MYO15A: variants seen among roughly 807,000 people sequenced by gnomAD.
MYO15A encodes myosin XVA.
MYO15A carries 308 observed loss-of-function variants against 394.6 expected under a neutral mutation model. The observed-to-expected ratio is 0.78, with a 90% CI of 0.71 to 0.86. The LOEUF (loss-of-function observed/expected upper bound fraction) is 0.86. Among genes scored for constraint, MYO15A ranks in the 40% least tolerant of loss-of-function variants. MYO15A has a pLI of 0.00. For missense variants in MYO15A, 4,606 were observed against 4,799.1 expected (o/e 0.96, Z 1.19); for synonymous variants, 1,957 against 2,003.8 (o/e 0.98, Z 0.62).
chr17:18,138,070 T>A (rs1168895222), intron 16 of MYO15A, 45 bp from the exon 17 acceptor site: 2 of 1,599,162 alleles, frequency 1.3e-6, no homozygotes, highest in African/African-American at 2.7e-5. Context: ...GGGTGGGCCC[T>A]GGACAGGGAT....
intron 42 of MYO15A, among the ~76,000 whole-genome samples, chr17:18,152,618 AT>A (rs1205881411): frequency 3.4e-5 from 2 of 59,446 alleles, no homozygotes; most frequent in African/African-American, 2.0e-4. Context: ...CCTGCCCCTG[AT>A]AAAAAACCCT....
At chr17:18,139,441 T>A in intron 18 of MYO15A, 93 bp from the exon 19 acceptor site, 1 of 1,383,664 alleles carries the variant, frequency 7.2e-7, no homozygotes, top group Non-Finnish European at 1.0e-6. Flanking sequence ...GCTGGAGGGG[T>A]GGGGACCATA....
In MYO15A at chr17:18,151,954, G is replaced by A. The variant is rs750244334; in HGVS notation, c.7893+3G>A. The A allele has an allele frequency of 2.1e-5, 32 of 1,556,620 alleles. No individual in the cohort carries two copies. The highest frequency in any genetic ancestry group is 2.7e-5 in the Non-Finnish European group (31 of 1,149,316). ...TGGCAGCTGCACCTGGCACCCAGGT[G>A]AGGGGGGAAGGTGGGGCTGAGCCCA... is the stretch of plus-strand genomic sequence containing the variant. On this transcript the variant is annotated splice_donor_region_variant and intron_variant, in intron 41 of 65. Coordinates refer to ENST00000647165, the MANE Select transcript of MYO15A (RefSeq NM_016239.4).
Position 18,153,719 on chromosome 17 carries a change from A to C in MYO15A, c.7967-56A>C. The C allele has an allele frequency of 6.5e-7, 1 of 1,532,472 alleles. No homozygotes were observed. The highest frequency in any genetic ancestry group is 8.8e-7 in the Non-Finnish European group (1 of 1,139,698). The allele number at this position is 1,532,472 out of a possible 1,614,324, so 94.9% of individuals were successfully genotyped here. A position where few individuals can be genotyped will look rare whatever the true frequency, so the allele number is the denominator to read the frequency against. Reference sequence around the variant, plus strand: ...GTCTCAAAAATATATATATATATTAATTAAATAAAAAAACGAGGTGCCTTC... The same window carrying C: ...GTCTCAAAAATATATATATATATTACTTAAATAAAAAAACGAGGTGCCTTC... On this transcript the variant is annotated intron_variant, in intron 42 of 65. Transcript: ENST00000647165. The surrounding 1 kb of genome is among the most constrained non-coding windows in gnomAD (Gnocchi z 4.1).
intron 11 of MYO15A, 91 bp from the exon 12 acceptor site, chr17:18,133,134 C>A: frequency 7.3e-7 from 1 of 1,371,702 alleles, no homozygotes. Context: ...CCAACTCAGG[C>A]CACCACACTA....
rs1270652401 is a variant in MYO15A, at chr17:18,138,348, G to A, written c.5007+102G>A. 2.1e-6 allele frequency: 3 copies of A among 1,450,910 alleles called. No homozygotes were observed. The East Asian group carries it at 7.3e-5, about 35-fold the overall frequency. The allele number at this position is 1,450,910 out of a possible 1,614,324, so 89.9% of individuals were successfully genotyped here. A position where few individuals can be genotyped will look rare whatever the true frequency, so the allele number is the denominator to read the frequency against. ...TTCATTCCTCTCTGCTCTGGCCTGAGTCAGGCAGTGGGGGGTTGGGACACC... is the reference window on the plus strand; with the variant it reads ...TTCATTCCTCTCTGCTCTGGCCTGAATCAGGCAGTGGGGGGTTGGGACACC... On this transcript the variant is annotated intron_variant, in intron 17 of 65. Transcript: ENST00000647165.
Position 18,146,081 on chromosome 17 carries a change from C to T in MYO15A, c.6483C>T (p.Ser2161=), listed in dbSNP as rs2046475148. 6.2e-7 allele frequency: 1 copy of T among 1,613,930 alleles called. No individual in the cohort carries two copies. Among genetic ancestry groups the T allele is most frequent in the African/African-American group, 1.3e-5 (1 of 75,034 alleles). ...CCTGCCTCAGTGGCTTTGCACCTTCCCCGTGCTTCAACAAGTACCTTCTCA... is the reference window on the plus strand; with the variant it reads ...CCTGCCTCAGTGGCTTTGCACCTTCTCCGTGCTTCAACAAGTACCTTCTCA... ...LAACLSGFAP[S]PCFNKYLLKF... is the part of the protein sequence containing the mutation. The change falls in exon 30 of 66, where the codon TCC becomes TCT. Residue 2161 remains serine, a synonymous_variant. Coordinates refer to ENST00000647165, the MANE Select transcript of MYO15A (RefSeq NM_016239.4).
Position 18,149,298 on chromosome 17 carries a change from T to C in MYO15A, c.7039T>C (p.Ser2347Pro). Residue 2347 changes from serine (S) to proline (P), a missense_variant, in exon 34 of 66, where the codon TCT (serine) becomes CCT (proline). Physicochemically the swap from Ser to Pro is moderately conservative, Grantham distance 74 (BLOSUM62 -1). Around this residue, in one of 2 missense-constraint regions of MYO15A, gnomAD observed 2,776 missense variants for 3,109.3 expected, o/e 0.89. Transcript: ENST00000647165. ...PQEHMPKVLD[S>P]DGYSSHNQDG... ...GGAGCACATGCCCAAAGTACTTGAC[T>C]CTGATGGGTACAGCAGCCACAATCA... The C allele has an allele frequency of 1.9e-6, 3 of 1,613,622 alleles. No individual in the cohort carries two copies. Among genetic ancestry groups the C allele is most frequent in the Non-Finnish European group, 2.5e-6 (3 of 1,179,806 alleles).
intron 3 of MYO15A, 158 bp from the exon 4 acceptor site, chr17:18,125,010 A>T: frequency 1.4e-6 from 1 of 734,088 alleles, no homozygotes; most frequent in Non-Finnish European, 2.5e-6. Context: ...GGCACAGAAT[A>T]GGGAAGTAAT....
chr17:18,131,648 G>GTACGCATGTATT, intron 10 of MYO15A, 117 bp downstream of exon 10: 1 of 1,219,384 alleles, frequency 8.2e-7, no homozygotes, highest in Non-Finnish European at 1.2e-6. Flanking sequence ...ACGAATACAT[G>GTACGCATGTATT]CGTACATGTG....
chr17:18,132,506 T>G lies in MYO15A; in HGVS notation c.4260T>G (p.Pro1420=), dbSNP rs761675783. ...HIFYELLAGL[P]AQLRQAFSLQ... ...TCTACGAGTTGCTGGCCGGGTTGCC[T>G]GCCCAGCTCAGGCAGGCCTTTAGCC... Residue 1420 remains proline, a synonymous_variant, in exon 11 of 66, where the codon CCT becomes CCG. Coordinates refer to ENST00000647165, the MANE Select transcript of MYO15A (RefSeq NM_016239.4). This position sits in a 1 kb window ranked among gnomAD's most constrained non-coding sequence, Gnocchi z 4.6. The G allele has an allele frequency of 6.2e-7, 1 of 1,613,896 alleles. No homozygotes were observed. The highest frequency in any genetic ancestry group is 2.2e-5 in the East Asian group (1 of 44,880).
intron 13 of MYO15A, 129 bp from the exon 14 acceptor site, chr17:18,136,288 C>A: frequency 8.5e-7 from 1 of 1,179,356 alleles, no homozygotes; most frequent in Non-Finnish European, 1.2e-6. Context: ...CCTGCCTAGT[C>A]TCTGTGTGCA....
rs754433810 is a variant in MYO15A at position 18,148,967 on chromosome 17, G to A, written c.6956+15G>A. 7 of 1,574,972 alleles carry A rather than the reference G, an allele frequency of 4.4e-6. No homozygotes were observed. The African/African-American group carries it at 8.1e-5, about 18-fold the overall frequency. The stretch of plus-strand genomic sequence containing the variant: ...GGCCCCAAAGTGTAGGTAGCTATGG[G>A]GGACCCCCTCACAGATGGCCACTCC... On this transcript the variant is annotated intron_variant, in intron 33 of 65. Transcript: ENST00000647165. The surrounding 1 kb of genome is among the most constrained non-coding windows in gnomAD (Gnocchi z 4.8).
chr17:18,143,738 C>G lies in MYO15A; in HGVS notation c.5988C>G (p.Val1996=). The G allele has an allele frequency of 6.3e-7, 1 of 1,599,064 alleles. No homozygotes were observed. Among genetic ancestry groups the G allele is most frequent in the East Asian group, 2.3e-5 (1 of 44,090 alleles). The change falls in exon 27 of 66, where the codon GTC becomes GTG. Residue 1996 remains valine (V), a synonymous_variant. Transcript: ENST00000647165. ...AGGAGCTGAGCAAGCGGGAGGTAGT[C>G]GCTGTGGGGCACCTGGAGGTACCGG... The part of the protein sequence containing the change: ...EQEELSKREV[V]AVGHLEVPAE...
chr17:18,122,444 G>A lies in MYO15A; in HGVS notation c.3609+35G>A, dbSNP rs749523916. ...CACAGATTACACGGAGGGTTTGAGG[G>A]TTCTGGCCTAGGAAACAGGGCAAGA... On this transcript the variant is annotated intron_variant, in intron 2 of 65. Coordinates refer to ENST00000647165, the MANE Select transcript of MYO15A (RefSeq NM_016239.4). 3 of 1,597,602 alleles carry A rather than the reference G, an allele frequency of 1.9e-6. No individual in the cohort carries two copies. In the East Asian group the frequency reaches 6.7e-5, roughly 36 times the overall value.
intron 65 of MYO15A, chr17:18,178,498 C>T (rs1031324846): frequency 6.9e-6 from 4 of 580,514 alleles, no homozygotes; most frequent in Admixed American, 4.9e-5. Flanking sequence ...AGAGGTGAAG[C>T]GATAGACCCT....
At chr17:18,115,630 C>G (rs1371130937) in intron 1 of MYO15A, among the ~76,000 whole-genome samples, 1 of 152,136 alleles carries the variant, frequency 6.6e-6, no homozygotes, top group African/African-American at 2.4e-5. Flanking sequence ...AAAAAAAAGA[C>G]TGAGGTCGAA....
chr17:18,126,775 T>A lies in MYO15A; in HGVS notation c.3867-16T>A, dbSNP rs2046051602. The A allele has an allele frequency of 6.2e-7, 1 of 1,613,996 alleles. No individual in the cohort carries two copies. The highest frequency in any genetic ancestry group is 1.3e-5 in the African/African-American group (1 of 75,038). On this transcript the variant is annotated splice_polypyrimidine_tract_variant and intron_variant, in intron 5 of 65. Transcript: ENST00000647165. ...GCTTAGAGGCAGGGGCCAGCTCTAATGACCTGTCTCCCCAGGCACCTCTTT... is the reference window on the plus strand; with the variant it reads ...GCTTAGAGGCAGGGGCCAGCTCTAAAGACCTGTCTCCCCAGGCACCTCTTT...
At chr17:18,126,959 C>T in intron 6 of MYO15A, 94 bp downstream of exon 6, 2 of 1,593,680 alleles carry the variant, frequency 1.3e-6, no homozygotes, top group Admixed American at 1.7e-5. Flanking sequence ...TGGAAGATTG[C>T]CTGGTACCTC....
Sources: allele counts gnomAD v4.1 joint callset (sites outside exome capture counted in the v4.1 genomes callset), GRCh38; gene constraint gnomAD v4.1.1; regional missense constraint gnomAD v4.1.1; non-coding constraint Gnocchi (gnomAD v3.1); transcripts MANE v1.5; gene names NCBI Gene and HGNC (gene_info 2026-07-23, HGNC 2026-07-21).